CREBBP: variants seen among roughly 807,000 people sequenced by gnomAD.
CREBBP encodes CREB binding lysine acetyltransferase.
Under a neutral mutation model 265.0 loss-of-function variants are expected in CREBBP, and 19 were observed. The observed-to-expected ratio is 0.07, with a 90% confidence interval of 0.05 to 0.11. The LOEUF is 0.11. Ranked by LOEUF, CREBBP falls within the 10% of genes least tolerant of loss-of-function variation. The probability of loss-of-function intolerance (pLI) is 1.00; values close to 1 mark genes in which losing one functional copy is unlikely to be tolerated. For synonymous variants in CREBBP, 1,457 were observed against 1,223.7 expected (o/e 1.19, Z -3.98); for missense variants, 2,525 against 3,219.0 (o/e 0.78, Z 5.22).
chr16:3,779,401 T>C (rs1309644326), intron 8 of CREBBP, among the ~76,000 whole-genome samples: 1 of 152,180 alleles, frequency 6.6e-6, no homozygotes, highest in East Asian at 1.9e-4. Context: ...CCTGAACTCC[T>C]GGGCTCACAT....
At chr16:3,736,384 A>G (rs917217722) in intron 27 of CREBBP, 181 bp from the exon 28 acceptor site, 26 of 761,640 alleles carry the variant, frequency 3.4e-5, no homozygotes, top group Non-Finnish European at 4.4e-6. Flanking sequence ...ACAGTGCTGG[A>G]GCCCCTATGT....
At chr16:3,737,126 C>A (rs1050707049) in intron 26 of CREBBP, 6 of 476,190 alleles carry the variant, frequency 1.3e-5, no homozygotes, top group African/African-American at 9.8e-5. Flanking sequence ...GCAATGCCAT[C>A]CCCTTCCTCC....
At chr16:3,815,431 AG>A in intron 2 of CREBBP, among the ~76,000 whole-genome samples, 1 of 150,852 alleles carries the variant, frequency 6.6e-6, no homozygotes, top group East Asian at 2.0e-4. Flanking sequence ...TCCCACGATG[AG>A]CCAGAATAAA....
chr16:3,865,458 G>A (rs1287442276), intron 1 of CREBBP, among the ~76,000 whole-genome samples: 1 of 152,150 alleles, frequency 6.6e-6, no homozygotes, highest in African/African-American at 2.4e-5. Context: ...AAGGCAGGAA[G>A]GGGGAAGAGA....
In CREBBP at chr16:3,749,775, G is replaced by A. The variant is rs129980; in HGVS notation, c.3780-92C>T. On this transcript the variant is annotated intron_variant, in intron 20 of 30. Coordinates refer to ENST00000262367, the MANE Select transcript of CREBBP (RefSeq NM_004380.3). ...TCTCTGGAATGTTATTTTGTAACTA[G>A]TTCTTCAAACAAAAAGACATGATGG... 310 of 799,664 alleles carry A rather than the reference G, an allele frequency of 3.9e-4. No homozygotes were observed. In the African/African-American group the frequency reaches 4.8e-3, roughly 12 times the overall value. The allele number at this position is 799,664 out of a possible 1,614,324, so 49.5% of individuals were successfully genotyped here. A position where few individuals can be genotyped will look rare whatever the true frequency, so the allele number is the denominator to read the frequency against.
Position 3,780,365 on chromosome 16 carries a change from A to C in CREBBP, c.1823+367T>G, listed in dbSNP as rs928652251. On this transcript the variant is annotated intron_variant, in intron 8 of 30. Transcript: ENST00000262367. ...AATTCTGAGGGGTCTCCACAACTAGAATCTGGAACTACAAAATAAGGTGAG... is the reference window on the plus strand; with the variant it reads ...AATTCTGAGGGGTCTCCACAACTAGCATCTGGAACTACAAAATAAGGTGAG... Among the ~76,000 whole-genome samples the C allele has an allele frequency of 3.3e-5, 5 of 152,118 alleles. No homozygotes were observed. The East Asian group carries it at 9.6e-4, about 29-fold the overall frequency.
intron 3 of CREBBP, 96 bp downstream of exon 3, chr16:3,810,507 C>A: frequency 3.5e-6 from 5 of 1,440,332 alleles, no homozygotes; most frequent in South Asian, 1.1e-5. Flanking sequence ...TACTGACACA[C>A]TTTTAGTTAT....
rs1567360545 is a variant in CREBBP, at chr16:3,849,443, GTGTGTGTGTGTGT to G, written c.798+841_798+853del. Among the ~76,000 whole-genome samples, 73 of 20,064 alleles carry G rather than the reference GTGTGTGTGTGTGT, an allele frequency of 3.6e-3. 5 individuals are homozygous for G. The highest frequency in any genetic ancestry group is 0.01 in the Non-Finnish European group (54 of 5,372). The allele number at this position is 20,064 out of a possible 152,430, so 13.2% of individuals were successfully genotyped here. On this transcript the variant is annotated intron_variant, in intron 2 of 30. Transcript: ENST00000262367. The stretch of plus-strand genomic sequence containing the variant: ...TGTGTGTGTGTGTGTGTGTGTGTGT[GTGTGTGTGTGTGT>G]GTGTGTGTGTGTGTGTGTGTGTGTG...
chr16:3,754,749 G>A (rs2052550477), intron 19 of CREBBP, among the ~76,000 whole-genome samples: 3 of 152,192 alleles, frequency 2.0e-5, no homozygotes, highest in African/African-American at 4.8e-5. Context: ...ATGAAAACAA[G>A]TGAAAATGTA....
intron 19 of CREBBP, among the ~76,000 whole-genome samples, chr16:3,754,663 A>G (rs1254885320): frequency 2.0e-5 from 3 of 152,202 alleles, no homozygotes; most frequent in Non-Finnish European, 2.9e-5. Context: ...GATAATACTT[A>G]TATTATCTAC....
Position 3,850,369 on chromosome 16 carries a change from G to A in CREBBP, c.726C>T (p.Thr242=), listed in dbSNP as rs1226714790. ...TCATTTGCGGGGAAACCTGCGTTAG[G>A]GTCTCAGCCAGCACGCTGCTCGAGG... ...QGASSSVLAE[T]LTQVSPQMTG... The change falls in exon 2 of 31, where the codon ACC becomes ACT. Residue 242 remains threonine (T), a synonymous_variant. Coordinates refer to ENST00000262367, the MANE Select transcript of CREBBP (RefSeq NM_004380.3). 2 of 1,614,088 alleles carry A rather than the reference G, an allele frequency of 1.2e-6. No individual in the cohort carries two copies. The highest frequency in any genetic ancestry group is 4.5e-5 in the East Asian group (2 of 44,900).
intron 26 of CREBBP, chr16:3,737,045 G>C (rs1813210641): frequency 3.4e-6 from 2 of 594,254 alleles, no homozygotes; most frequent in South Asian, 2.0e-5. Flanking sequence ...TGCACACACA[G>C]GGCAGGGCCG....
intron 13 of CREBBP, among the ~76,000 whole-genome samples, chr16:3,772,130 A>G (rs1567300542): frequency 6.6e-6 from 1 of 152,070 alleles, no homozygotes; most frequent in Non-Finnish European, 1.5e-5. Flanking sequence ...TTCATGTTCT[A>G]TAACATGTAC....
At position 3,778,285 on chromosome 16, in the gene CREBBP, C is replaced by T. The variant is rs1422592114; in HGVS notation, c.1942-103G>A. The T allele has an allele frequency of 8.4e-6, 8 of 952,626 alleles. No individual in the cohort carries two copies. In the East Asian group the frequency reaches 9.7e-5, roughly 12 times the overall value. 59.0% of individuals were successfully genotyped at this position (952,626 alleles called of 1,614,324 possible). On this transcript the variant is annotated intron_variant, in intron 9 of 30. Coordinates refer to ENST00000262367, the MANE Select transcript of CREBBP (RefSeq NM_004380.3). ...CTAATGAACTTCCTCATTGAGTACA[C>T]TGGCAAAAGTAGTATGCAAATACCT...
intron 2 of CREBBP, among the ~76,000 whole-genome samples, chr16:3,816,684 C>T (rs1056985423): frequency 6.6e-6 from 1 of 152,180 alleles, no homozygotes; most frequent in Non-Finnish European, 1.5e-5. Context: ...CAAAGTACCA[C>T]ACGGCTCTAG....
rs982080797 is a variant in CREBBP at position 3,725,862 on chromosome 16, T to G, written c.*1856A>C. 30 of 232,860 alleles carry G rather than the reference T, an allele frequency of 1.3e-4. No homozygotes were observed. Among genetic ancestry groups the G allele is most frequent in the African/African-American group, 6.6e-4 (30 of 45,294 alleles). 14.4% of individuals were successfully genotyped at this position (232,860 alleles called of 1,614,324 possible). On this transcript the variant is annotated 3_prime_UTR_variant, in exon 31 of 31. Coordinates refer to ENST00000262367, the MANE Select transcript of CREBBP (RefSeq NM_004380.3). ...CACCCCCACCTAGACCAGCCTTTGTTGGGGGACTAGGGATAAAGTGGGTTC... is the reference window on the plus strand; with the variant it reads ...CACCCCCACCTAGACCAGCCTTTGTGGGGGGACTAGGGATAAAGTGGGTTC...
At chr16:3,776,893 C>T (rs1387104590) in intron 11 of CREBBP, among the ~76,000 whole-genome samples, 1 of 151,950 alleles carries the variant, frequency 6.6e-6, no homozygotes, top group African/African-American at 2.4e-5. Context: ...TGGCAGGTGC[C>T]TGTAGTCTCA....
At chr16:3,771,887 T>G (rs1229487141) in intron 13 of CREBBP, among the ~76,000 whole-genome samples, 1 of 151,316 alleles carries the variant, frequency 6.6e-6, no homozygotes, top group East Asian at 2.0e-4. Flanking sequence ...CTTGGCTCAC[T>G]GCAACCTCCA....
At chr16:3,866,526 C>A (rs1053070983) in intron 1 of CREBBP, among the ~76,000 whole-genome samples, 1 of 152,126 alleles carries the variant, frequency 6.6e-6, no homozygotes, top group Admixed American at 6.5e-5. Context: ...TTAACAGATT[C>A]TCTTAATCAC....
Sources: allele counts gnomAD v4.1 joint callset (sites outside exome capture counted in the v4.1 genomes callset), GRCh38; gene constraint gnomAD v4.1.1; transcripts MANE v1.5; gene names NCBI Gene and HGNC (gene_info 2026-07-23, HGNC 2026-07-21).